TERT: variants seen among roughly 807,000 people sequenced by gnomAD.
The protein encoded by TERT is telomerase catalytic subunit.
In TERT, 42 loss-of-function variants were observed where a neutral mutation model predicts 104.0. The observed-to-expected ratio is 0.40, with a 90% CI of 0.32 to 0.52. The LOEUF (loss-of-function observed/expected upper bound fraction) is 0.52, where lower values mean the gene tolerates loss of function less well. Ranked by LOEUF, TERT falls within the 20% of genes least tolerant of loss-of-function variation. The probability of loss-of-function intolerance (pLI) is 0.43; values close to 1 mark genes in which losing one functional copy is unlikely to be tolerated. For missense variants in TERT, 1,101 were observed against 1,610.3 expected (o/e 0.68, Z 5.41); for synonymous variants, 781 against 725.6 (o/e 1.08, Z -1.23).
rs1160960250 is a variant in TERT, at chr5:1,279,289, A to C, written c.2130+2T>G. 1 of 1,576,138 alleles carries C rather than the reference A, an allele frequency of 6.3e-7. No individual in the cohort carries two copies. The highest frequency in any genetic ancestry group is 1.4e-5 in the African/African-American group (1 of 74,058). On this transcript the variant is annotated splice_donor_variant, in intron 5 of 15. Transcript: ENST00000310581. LOFTEE classifies it high-confidence loss of function. ...CTGCTCACGGGGGTCCCCGGCACCC[A>C]CCTTGACAAAGTACAGCTCAGGCGG... is the stretch of plus-strand genomic sequence containing the variant.
intron 12 of TERT, among the ~76,000 whole-genome samples, chr5:1,260,253 T>A (rs925450541): frequency 6.6e-6 from 1 of 152,256 alleles, no homozygotes; most frequent in African/African-American, 2.4e-5. Flanking sequence ...TGCATTCGCA[T>A]GTGCACACAC....
rs200288187 is a variant in TERT at position 1,254,406 on chromosome 5, C to T, written c.3257G>A (p.Arg1086His). ...QAFLLKLTRH[R>H]VTYVPLLGSL... ...CCCCAGGAGTGGCACGTAGGTGACA[C>T]GGTGTCGAGTCAGCTTGAGCAGGAA... is the stretch of plus-strand genomic sequence containing the variant. Residue 1086 changes from arginine (R) to histidine (H), a missense_variant, in exon 15 of 16, where the codon CGT becomes CAT. Coordinates refer to ENST00000310581, the MANE Select transcript of TERT (RefSeq NM_198253.3). 185 of 1,613,220 alleles carry T rather than the reference C, an allele frequency of 1.1e-4. No homozygotes were observed. Among genetic ancestry groups the T allele is most frequent in the Non-Finnish European group, 9.3e-5 (110 of 1,179,956 alleles).
At chr5:1,259,831 C>A (rs554292351) in intron 12 of TERT, among the ~76,000 whole-genome samples, 1 of 125,688 alleles carries the variant, frequency 8.0e-6, no homozygotes, top group Non-Finnish European at 1.6e-5. Flanking sequence ...AGGGAGTGGA[C>A]GCGGACGCCC....
chr5:1,293,254 T>G, intron 2 of TERT, 59 bp downstream of exon 2: 1 of 1,599,972 alleles, frequency 6.3e-7, no homozygotes, highest in Non-Finnish European at 8.5e-7. Flanking sequence ...CCCCCTTTTC[T>G]GAGCCCCTAC....
rs1040887513 is a variant in TERT, at chr5:1,253,427, T to G, written c.*301A>C. ...GGATGGACTATTCCTATGTGGGGAG[T>G]GGAAGCCGGGCTCCTGGTGAGGAAA... On this transcript the variant is annotated 3_prime_UTR_variant, in exon 16 of 16. Coordinates refer to ENST00000310581, the MANE Select transcript of TERT (RefSeq NM_198253.3). The G allele has an allele frequency of 7.6e-6, 4 of 529,020 alleles. No individual in the cohort carries two copies. The highest frequency in any genetic ancestry group is 1.0e-5 in the Non-Finnish European group (3 of 292,352). 32.8% of individuals were successfully genotyped at this position (529,020 alleles called of 1,614,324 possible).
intron 4 of TERT, 113 bp downstream of exon 4, chr5:1,280,045 G>T: frequency 1.4e-6 from 2 of 1,388,950 alleles, no homozygotes; most frequent in Non-Finnish European, 2.0e-6. Context: ...CCGTGCCATG[G>T]CCCTGGCTGT....
rs1006989191 is a variant in TERT, at chr5:1,292,675, G to A, written c.1573+638C>T. Among the ~76,000 whole-genome samples, 1 of 152,262 alleles carries A rather than the reference G, an allele frequency of 6.6e-6. No individual in the cohort carries two copies. The highest frequency in any genetic ancestry group is 6.5e-5 in the Admixed American group (1 of 15,292). On this transcript the variant is annotated intron_variant, in intron 2 of 15. Coordinates refer to ENST00000310581, the MANE Select transcript of TERT (RefSeq NM_198253.3). The surrounding 1 kb of genome is among the most constrained non-coding windows in gnomAD (Gnocchi z 5.5). Reference sequence around the variant, plus strand: ...TTACAGGCACACACCACCATGCCCAGCTAATTTTTGTATTTTTAGTACAGA... The same window carrying A: ...TTACAGGCACACACCACCATGCCCAACTAATTTTTGTATTTTTAGTACAGA...
rs1747491431 is a variant in TERT at position 1,253,619 on chromosome 5, C to T, written c.*109G>A. On this transcript the variant is annotated 3_prime_UTR_variant, in exon 16 of 16. Transcript: ENST00000310581. ...AAACACTCACTCAGGCCTCAGACTCCCAGCGGTGCGGGCCTGGGTGTGGGC... is the reference window on the plus strand; with the variant it reads ...AAACACTCACTCAGGCCTCAGACTCTCAGCGGTGCGGGCCTGGGTGTGGGC... 2.2e-6 allele frequency: 2 copies of T among 917,012 alleles called. No individual in the cohort carries two copies. The highest frequency in any genetic ancestry group is 3.4e-6 in the Non-Finnish European group (2 of 581,602). 56.8% of individuals were successfully genotyped at this position (917,012 alleles called of 1,614,324 possible). A position where few individuals can be genotyped will look rare whatever the true frequency, so the allele number is the denominator to read the frequency against.
At chr5:1,273,109 CCACAG>C (rs1749229168) in intron 6 of TERT, among the ~76,000 whole-genome samples, 1 of 95,402 alleles carries the variant, frequency 1.0e-5, no homozygotes, top group Admixed American at 9.9e-5. Flanking sequence ...CAACCGCCAT[CCACAG>C]TCACCACACA....
rs1748839786 is a variant in TERT at position 1,269,128 on chromosome 5, A to G, written c.2469-495T>C. Among the ~76,000 whole-genome samples the G allele has an allele frequency of 2.0e-5, 3 of 152,102 alleles. No individual in the cohort carries two copies. The South Asian group carries it at 6.2e-4, about 32-fold the overall frequency. ...ACAAGGATGCCAAGGGTGCGTTTTCAGACAAACAGTGAGAGCAGAATAGCC... is the reference window on the plus strand; with the variant it reads ...ACAAGGATGCCAAGGGTGCGTTTTCGGACAAACAGTGAGAGCAGAATAGCC... On this transcript the variant is annotated intron_variant, in intron 8 of 15. Coordinates refer to ENST00000310581, the MANE Select transcript of TERT (RefSeq NM_198253.3). This position sits in a 1 kb window ranked among gnomAD's most constrained non-coding sequence, Gnocchi z 9.0.
rs745650415 is a variant in TERT, at chr5:1,253,839, G to T, written c.3296-8C>A. On this transcript the variant is annotated splice_region_variant and splice_polypyrimidine_tract_variant and intron_variant, in intron 15 of 15. Transcript: ENST00000310581. ...GACTCAGCTGCGTCTGGGCTGCGGG[G>T]CCAAAATCAGACTCCGTTCCAGAAG... The T allele has an allele frequency of 1.0e-5, 16 of 1,604,532 alleles. No homozygotes were observed. Among genetic ancestry groups the T allele is most frequent in the Non-Finnish European group, 1.3e-5 (15 of 1,177,036 alleles).
chr5:1,266,606 G>T (rs1748626370), intron 9 of TERT, 71 bp from the exon 10 acceptor site: 2 of 1,252,424 alleles, frequency 1.6e-6, no homozygotes, highest in Admixed American at 2.0e-5. Flanking sequence ...ACGAGGGACT[G>T]AATGTCAAAC....
chr5:1,293,296 G>A lies in TERT; in HGVS notation c.1573+17C>T, dbSNP rs767882579. 5 of 1,611,892 alleles carry A rather than the reference G, an allele frequency of 3.1e-6. No individual in the cohort carries two copies. The highest frequency in any genetic ancestry group is 2.2e-5 in the East Asian group (1 of 44,874). ...CAGCTCTGGGGCCTGGGCCCTCGAC[G>A]GCCACCACCTCCTCACCTGGGCTCC... On this transcript the variant is annotated intron_variant, in intron 2 of 15. Coordinates refer to ENST00000310581, the MANE Select transcript of TERT (RefSeq NM_198253.3).
Position 1,282,569 on chromosome 5 carries a change from CT to C in TERT, c.1628del (p.Lys543SerfsTer6). 6.2e-7 allele frequency: 1 copy of C among 1,614,138 alleles called. No homozygotes were observed. Among genetic ancestry groups the C allele is most frequent in the South Asian group, 1.1e-5 (1 of 91,086 alleles). Reference protein sequence around the residue: ...EHRLREEILAKFLHWLMSVYV... With the variant: ...EHRLREEILAXFLHWLMSVYV... ...ACACACTCATCAGCCAGTGCAGGAA[CT>C]TGGCCAGGATCTCCTCACGCAGACG... On this transcript the variant is annotated frameshift_variant, in exon 3 of 16. Coordinates refer to ENST00000310581, the MANE Select transcript of TERT (RefSeq NM_198253.3). LOFTEE classifies it high-confidence loss of function.
At position 1,274,473 on chromosome 5, in the gene TERT, G is replaced by C. The variant is rs117053235; in HGVS notation, c.2287-2193C>G. 1.7e-4 allele frequency among the ~76,000 whole-genome samples: 26 copies of C among 152,224 alleles called. No homozygotes were observed. The highest frequency in any genetic ancestry group is 2.6e-4 in the Admixed American group (4 of 15,276). ...ACCAGGGACTGGTTTCGTGGAAGAC[G>C]ATTTTTCCACAGGACAGCAGTGGGG... is the stretch of plus-strand genomic sequence containing the variant. On this transcript the variant is annotated intron_variant, in intron 6 of 15. Transcript: ENST00000310581. This position sits in a 1 kb window ranked among gnomAD's most constrained non-coding sequence, Gnocchi z 5.3.
intron 2 of TERT, among the ~76,000 whole-genome samples, chr5:1,285,775 G>A (rs1479575811): frequency 1.2e-4 from 18 of 151,650 alleles, no homozygotes; most frequent in African/African-American, 3.6e-4. Context: ...TCATCATGTT[G>A]GCCAGGATGG....
intron 13 of TERT, among the ~76,000 whole-genome samples, chr5:1,258,171 C>T (rs961579388): frequency 6.6e-6 from 1 of 152,232 alleles, no homozygotes; most frequent in African/African-American, 2.4e-5. Flanking sequence ...GGGGGTGGGG[C>T]CAGCGACCCT....
At position 1,291,007 on chromosome 5, in the gene TERT, C is replaced by T. The variant is rs1363641677; in HGVS notation, c.1573+2306G>A. Among the ~76,000 whole-genome samples the T allele has an allele frequency of 1.5e-3, 173 of 117,626 alleles. 1 individual carries two copies. Among genetic ancestry groups the T allele is most frequent in the African/African-American group, 3.9e-3 (98 of 25,268 alleles). The allele number at this position is 117,626 out of a possible 152,430, so 77.2% of individuals were successfully genotyped here. ...ACTCACCCTGCACGGGACAGGGACA[C>T]CTGGGGACCGCGCCTCACTCACCCT... On this transcript the variant is annotated intron_variant, in intron 2 of 15. Coordinates refer to ENST00000310581, the MANE Select transcript of TERT (RefSeq NM_198253.3).
chr5:1,260,088 G>A (rs1748115486), intron 12 of TERT, among the ~76,000 whole-genome samples: 2 of 152,320 alleles, frequency 1.3e-5, no homozygotes, highest in South Asian at 4.1e-4. Flanking sequence ...CATCCTGTAA[G>A]GAGTGGCACT....
Sources: allele counts gnomAD v4.1 joint callset (sites outside exome capture counted in the v4.1 genomes callset), GRCh38; gene constraint gnomAD v4.1.1; non-coding constraint Gnocchi (gnomAD v3.1); transcripts MANE v1.5; gene names NCBI Gene and HGNC (gene_info 2026-07-23, HGNC 2026-07-21).